The following MGAM2 variants were observed in gnomAD, a reference collection of about 807,000 sequenced individuals.
The protein encoded by MGAM2 is maltase-glucoamylase 2 (putative).
Under a neutral mutation model 96.1 loss-of-function variants are expected in MGAM2, and 98 were observed. The observed-to-expected ratio is 1.02, with a 90% CI of 0.87 to 1.21. The LOEUF (loss-of-function observed/expected upper bound fraction) is 1.21, where lower values mean the gene tolerates loss of function less well. Among genes scored for constraint, MGAM2 ranks in the 50% most tolerant of loss-of-function variants. The probability of loss-of-function intolerance (pLI) is 0.00; values close to 1 mark genes in which losing one functional copy is unlikely to be tolerated. For missense variants in MGAM2, 2,055 were observed against 1,182.4 expected (o/e 1.74, Z -10.82); for synonymous variants, 749 against 414.8 (o/e 1.81, Z -9.79).
In MGAM2 at chr7:142,127,388, G is replaced by T. The variant is rs138006372; in HGVS notation, c.187-3560G>T. On this transcript the variant is annotated intron_variant, in intron 3 of 47. Transcript: ENST00000477922. ...TTTTATATTATTTTCTGGGATAATT[G>T]AATTTGATTTTTAAAGTTTTTTTCA... 3.6e-3 allele frequency among the ~76,000 whole-genome samples: 546 copies of T among 151,828 alleles called. 3 individuals are homozygous for T. The highest frequency in any genetic ancestry group is 0.012 in the African/African-American group (517 of 41,416).
In MGAM2 at chr7:142,197,652, A is replaced by G. The variant is rs747724006; in HGVS notation, c.4790A>G (p.Asp1597Gly). ...CTGTTTATTTTTTTAAGGTTTACGG[A>G]TGACAGGACAACATGGGATATAGAC... ...VVRPLLHEFTDDRTTWDIDRQ... is the reference protein window; with the variant it reads ...VVRPLLHEFTGDRTTWDIDRQ... The change falls in exon 42 of 48, where the codon GAT (aspartate) becomes GGT (glycine). Residue 1597 changes from aspartate to glycine, a missense_variant. Physicochemically the swap from Asp to Gly is moderately conservative, Grantham distance 94. Coordinates refer to ENST00000477922, the MANE Select transcript of MGAM2 (RefSeq NM_001293626.2). 1.4e-6 allele frequency: 1 copy of G among 702,958 alleles called. No individual in the cohort carries two copies. 43.5% of individuals were successfully genotyped at this position (702,958 alleles called of 1,614,324 possible).
Position 142,161,116 on chromosome 7 carries a change from CT to C in MGAM2, c.2346-5del, listed in dbSNP as rs1310367512. On this transcript the variant is annotated splice_polypyrimidine_tract_variant and splice_region_variant and intron_variant, in intron 21 of 47. Transcript: ENST00000477922. ...ACATTCTCTGAAACTGGGAAGTACTCTTTTACAGCCGGAGGAATTCCCTGGG... is the reference window on the plus strand; with the variant it reads ...ACATTCTCTGAAACTGGGAAGTACTCTTTACAGCCGGAGGAATTCCCTGGG... The C allele has an allele frequency of 1.1e-5, 8 of 702,308 alleles. No homozygotes were observed. The Admixed American group carries it at 1.6e-4, about 14-fold the overall frequency. 43.5% of individuals were successfully genotyped at this position (702,308 alleles called of 1,614,324 possible).
chr7:142,155,841 T>C (rs1585170125), intron 17 of MGAM2, among the ~76,000 whole-genome samples: 1 of 152,198 alleles, frequency 6.6e-6, no homozygotes, highest in South Asian at 2.1e-4. Flanking sequence ...CATATGTCAG[T>C]TTAAATTTGA....
chr7:142,209,006 G>A (rs1406639763), intron 46 of MGAM2, among the ~76,000 whole-genome samples: 1 of 152,174 alleles, frequency 6.6e-6, no homozygotes, highest in Non-Finnish European at 1.5e-5. Flanking sequence ...CTAACAATAA[G>A]CACTTACTTA....
intron 45 of MGAM2, among the ~76,000 whole-genome samples, chr7:142,206,327 T>A (rs1293109896): frequency 6.6e-6 from 1 of 152,152 alleles, no homozygotes; most frequent in Non-Finnish European, 1.5e-5. Context: ...TTTGTGGTGG[T>A]GGCTGGGCTG....
At chr7:142,185,661 T>TAA (rs528653689) in intron 34 of MGAM2, among the ~76,000 whole-genome samples, 3 of 141,670 alleles carry the variant, frequency 2.1e-5, no homozygotes, top group South Asian at 2.2e-4. Context: ...GATATTTAAG[T>TAA]AAAAAAAAAA....
intron 7 of MGAM2, 41 bp from the exon 8 acceptor site, chr7:142,136,500 C>T: frequency 5.0e-6 from 3 of 599,984 alleles, no homozygotes; most frequent in East Asian, 2.9e-5. Flanking sequence ...AAAACTTTCT[C>T]AACACATAAC....
intron 31 of MGAM2, among the ~76,000 whole-genome samples, chr7:142,175,352 C>T (rs964073089): frequency 1.3e-5 from 2 of 151,998 alleles, no homozygotes; most frequent in Non-Finnish European, 2.9e-5. Flanking sequence ...GTTTGATAGA[C>T]TGAGTTTGAG....
chr7:142,153,973 C>T (rs992650505), intron 15 of MGAM2, 45 bp from the exon 16 acceptor site: 1 of 536,044 alleles, frequency 1.9e-6, no homozygotes, highest in African/African-American at 1.8e-5. Context: ...GAGTCCTAGA[C>T]ATTCACAGCC....
At chr7:142,135,794 C>T (rs1335768279) in intron 7 of MGAM2, among the ~76,000 whole-genome samples, 1 of 151,390 alleles carries the variant, frequency 6.6e-6, no homozygotes. Context: ...AGCTTCGTCA[C>T]AGATTTCAAT....
chr7:142,215,851 T>A (rs1797745234), intron 46 of MGAM2, among the ~76,000 whole-genome samples: 1 of 152,126 alleles, frequency 6.6e-6, no homozygotes, highest in African/African-American at 2.4e-5. Context: ...TAAAATATAT[T>A]TTGAAATTAA....
At chr7:142,128,455 G>T (rs1794788048) in intron 3 of MGAM2, among the ~76,000 whole-genome samples, 1 of 152,318 alleles carries the variant, frequency 6.6e-6, no homozygotes, top group African/African-American at 2.4e-5. Context: ...CGGGAAAAAT[G>T]GCTCCAGGGC....
chr7:142,216,008 T>C (rs1797750105), intron 46 of MGAM2, among the ~76,000 whole-genome samples: 2 of 152,200 alleles, frequency 1.3e-5, no homozygotes, highest in African/African-American at 2.4e-5. Context: ...ATATTTTTTC[T>C]GCTGTTATTA....
rs1796596294 is a variant in MGAM2, at chr7:142,183,282, G to A, written c.3833G>A (p.Gly1278Asp). The change falls in exon 33 of 48, where the codon GGC becomes GAC. Residue 1278 changes from glycine to aspartate, a missense_variant. Physicochemically the swap from Gly to Asp is moderately conservative, Grantham distance 94 (BLOSUM62 -1). Coordinates refer to ENST00000477922, the MANE Select transcript of MGAM2 (RefSeq NM_001293626.2). ...FILILDPAIS[G>D]NETQYLPFIR... ...TTACTGCAGGACCCAGCCATTTCTG[G>A]CAATGAGACACAGTATCTCCCATTC... 1.4e-6 allele frequency: 1 copy of A among 702,912 alleles called. No individual in the cohort carries two copies. The highest frequency in any genetic ancestry group is 2.6e-6 in the Non-Finnish European group (1 of 384,790). The allele number at this position is 702,912 out of a possible 1,614,324, so 43.5% of individuals were successfully genotyped here.
rs766773681 is a variant in MGAM2, at chr7:142,185,133, G to C, written c.3981G>C (p.Gln1327His). 3 of 702,866 alleles carry C rather than the reference G, an allele frequency of 4.3e-6. No homozygotes were observed. In the South Asian group the frequency reaches 4.4e-5, roughly 10 times the overall value. The allele number at this position is 702,866 out of a possible 1,614,324, so 43.5% of individuals were successfully genotyped here. Reference sequence around the variant, plus strand: ...ATGGATCCCTTGACCATGAAACTCAGGTTAAGGTACAGTTGTATATAGATT... The same window carrying C: ...ATGGATCCCTTGACCATGAAACTCACGTTAAGGTACAGTTGTATATAGATT... ...IVDGSLDHET[Q>H]VKLYRAYVAF... Residue 1327 changes from glutamine to histidine, a missense_variant, in exon 34 of 48, where the codon CAG (glutamine) becomes CAC (histidine). Transcript: ENST00000477922.
At chr7:142,160,074 G>A in intron 20 of MGAM2, 60 bp from the exon 21 acceptor site, 2 of 653,648 alleles carry the variant, frequency 3.1e-6, no homozygotes, top group Admixed American at 2.4e-5. Flanking sequence ...GATACCTAAG[G>A]CCCCTCCTAG....
In MGAM2 at chr7:142,166,183, A is replaced by G. The variant is rs1367845036; in HGVS notation, c.2738A>G (p.Lys913Arg). ...AATCTTCCTGTCAGTGACCTGGAGA[A>G]GTTCAACTGCTACCCTGATGATCCA... ...RWNLPVSDLE[K>R]FNCYPDDPTA... The change falls in exon 25 of 48, where the codon AAG becomes AGG. Residue 913 changes from lysine (K) to arginine (R), a missense_variant. Transcript: ENST00000477922. 1.0e-5 allele frequency: 7 copies of G among 702,532 alleles called. No individual in the cohort carries two copies. In the South Asian group the frequency reaches 1.0e-4, roughly 10 times the overall value. 43.5% of individuals were successfully genotyped at this position (702,532 alleles called of 1,614,324 possible).
chr7:142,162,088 G>A, intron 23 of MGAM2, 84 bp downstream of exon 23: 1 of 577,672 alleles, frequency 1.7e-6, no homozygotes, highest in Non-Finnish European at 3.0e-6. Context: ...TAGACACATG[G>A]TTATGTGCAG....
chr7:142,171,605 CATATATATAT>C (rs34204853), intron 28 of MGAM2, among the ~76,000 whole-genome samples, 165 bp downstream of exon 28: 1,341 of 64,672 alleles, frequency 0.021, 31 homozygotes, highest in Non-Finnish European at 0.024. Context: ...CCCTAAAAGG[CATATATATAT>C]ATATATATAT....
Sources: allele counts gnomAD v4.1 joint callset (sites outside exome capture counted in the v4.1 genomes callset), GRCh38; gene constraint gnomAD v4.1.1; transcripts MANE v1.5; gene names NCBI Gene and HGNC (gene_info 2026-07-23, HGNC 2026-07-21).